The following UNC5D variants were observed in gnomAD, a reference collection of about 807,000 sequenced individuals.
The protein encoded by UNC5D is unc-5 netrin receptor D.
In UNC5D, 39 loss-of-function variants were observed where a neutral mutation model predicts 105.4. The ratio of observed to expected loss-of-function variants is 0.37; its 90% CI spans 0.29 to 0.48. UNC5D has a LOEUF of 0.48. Among genes scored for constraint, UNC5D ranks in the 20% least tolerant of loss-of-function variants. The pLI, the probability that UNC5D is intolerant of heterozygous loss-of-function variation, is 0.98. For missense variants in UNC5D, 991 were observed against 1,202.4 expected, an observed-to-expected ratio of 0.82 and a Z score of 2.60; for synonymous variants, 452 against 450.4, an observed-to-expected ratio of 1.00 and a Z score of -0.04.
chr8:35,281,963 C>T (rs1176071083), intron 1 of UNC5D, among the ~76,000 whole-genome samples: 1 of 152,158 alleles, frequency 6.6e-6, no homozygotes, highest in African/African-American at 2.4e-5. Flanking sequence ...CCTATCCCTG[C>T]ACATGTACTC....
intron 1 of UNC5D, among the ~76,000 whole-genome samples, chr8:35,470,876 G>T (rs990408934): frequency 1.3e-5 from 2 of 152,052 alleles, no homozygotes; most frequent in Non-Finnish European, 2.9e-5. Flanking sequence ...AGCAGCATTG[G>T]GTGAGAACAC....
At chr8:35,623,397 A>G (rs1352151271) in intron 4 of UNC5D, among the ~76,000 whole-genome samples, 1 of 152,104 alleles carries the variant, frequency 6.6e-6, no homozygotes, top group Non-Finnish European at 1.5e-5. Context: ...TATTTTTATT[A>G]TTTTTTGTGA....
At chr8:35,760,265 A>G (rs1439634667) in intron 14 of UNC5D, among the ~76,000 whole-genome samples, 1 of 150,476 alleles carries the variant, frequency 6.6e-6, no homozygotes, top group African/African-American at 2.4e-5. Flanking sequence ...CTGGTCTTGA[A>G]CTCCTGACCT....
At chr8:35,405,746 T>C (rs1804766487) in intron 1 of UNC5D, among the ~76,000 whole-genome samples, 2 of 152,210 alleles carry the variant, frequency 1.3e-5, no homozygotes, top group Non-Finnish European at 2.9e-5. Context: ...TTTCTAATTT[T>C]CATCTTCATT....
At chr8:35,729,610 C>T (rs60257165) in intron 10 of UNC5D, among the ~76,000 whole-genome samples, 4,330 of 152,210 alleles carry the variant, frequency 0.028, 219 homozygotes, top group African/African-American at 0.098. Flanking sequence ...AGGTTGACTT[C>T]CGAGCACACT....
chr8:35,690,278 G>A (rs1236743879), intron 7 of UNC5D, among the ~76,000 whole-genome samples: 1 of 152,112 alleles, frequency 6.6e-6, no homozygotes, highest in African/African-American at 2.4e-5. Flanking sequence ...GTTTGTAAAA[G>A]CCCAACTCCA....
intron 1 of UNC5D, among the ~76,000 whole-genome samples, chr8:35,273,449 C>T (rs7832774): frequency 0.82 from 125,279 of 152,114 alleles, 51,975 homozygotes; most frequent in East Asian, 1. Context: ...ACTGCCACAG[C>T]GGATATTATT....
intron 2 of UNC5D, among the ~76,000 whole-genome samples, chr8:35,561,897 C>T (rs150892538): frequency 7.2e-5 from 11 of 152,320 alleles, no homozygotes; most frequent in Non-Finnish European, 1.5e-4. Context: ...TCAAATTCCT[C>T]TTTTCTAGCT....
At chr8:35,249,601 T>TAATAATAATAAA (rs1176666606) in intron 1 of UNC5D, among the ~76,000 whole-genome samples, 2 of 126,886 alleles carry the variant, frequency 1.6e-5, no homozygotes, top group African/African-American at 5.9e-5. Context: ...ATAATAATAA[T>TAATAATAATAAA]AAAATAAATA....
At chr8:35,728,850 AGTATGGG>A (rs1829036669) in intron 10 of UNC5D, among the ~76,000 whole-genome samples, 1 of 152,132 alleles carries the variant, frequency 6.6e-6, no homozygotes, top group Non-Finnish European at 1.5e-5. Context: ...TAGCAGGTGG[AGTATGGG>A]GTATTATATT....
chr8:35,558,483 G>A (rs912057417), intron 2 of UNC5D, among the ~76,000 whole-genome samples: 1 of 152,066 alleles, frequency 6.6e-6, no homozygotes, highest in Admixed American at 6.6e-5. Context: ...AAATATGAGG[G>A]AGTATCTCAT....
At chr8:35,602,357 T>C (rs1472243222) in intron 4 of UNC5D, among the ~76,000 whole-genome samples, 2 of 152,180 alleles carry the variant, frequency 1.3e-5, no homozygotes, top group Non-Finnish European at 2.9e-5. Context: ...TTGATTGGAA[T>C]AGTTTCAGAA....
intron 9 of UNC5D, among the ~76,000 whole-genome samples, chr8:35,725,273 G>C (rs1036304312): frequency 6.6e-6 from 1 of 152,142 alleles, no homozygotes; most frequent in African/African-American, 2.4e-5. Flanking sequence ...GCTTGGGACT[G>C]AGAGTTATTT....
intron 1 of UNC5D, among the ~76,000 whole-genome samples, chr8:35,481,665 G>T (rs911616617): frequency 6.6e-6 from 1 of 152,144 alleles, no homozygotes; most frequent in Non-Finnish European, 1.5e-5. Flanking sequence ...ATTGAAAAAG[G>T]GTTAAAACAA....
intron 1 of UNC5D, among the ~76,000 whole-genome samples, chr8:35,244,019 A>T (rs1802945952): frequency 6.6e-6 from 1 of 152,194 alleles, no homozygotes; most frequent in South Asian, 2.1e-4. Context: ...TCCTAGATAG[A>T]TTCTTCTAGA....
intron 1 of UNC5D, among the ~76,000 whole-genome samples, chr8:35,458,291 A>G (rs186875889): frequency 1.2e-3 from 183 of 152,148 alleles, no homozygotes; most frequent in African/African-American, 4.2e-3. Context: ...AATGAACCCA[A>G]TCATAAGTTC....
intron 1 of UNC5D, among the ~76,000 whole-genome samples, chr8:35,492,532 CTTCCTCTGAAAGAGGAAGTCTGCTA>C (rs1811279442): frequency 6.6e-6 from 1 of 152,042 alleles, no homozygotes; most frequent in African/African-American, 2.4e-5. Context: ...GATTTTTCCT[CTTCCTCTGAAAGAGGAAGTCTGCTA>C]TTATTAACCG....
Position 35,727,827 on chromosome 8 carries a change from C to G in UNC5D, c.1681+1298C>G, listed in dbSNP as rs529697673. 3.3e-4 allele frequency: 50 copies of G among 151,958 alleles called. No individual in the cohort carries two copies. The South Asian group carries it at 3.5e-3, about 11-fold the overall frequency. 9.4% of individuals were successfully genotyped at this position (151,958 alleles called of 1,614,324 possible). On this transcript the variant is annotated intron_variant, in intron 10 of 16. Coordinates refer to ENST00000404895, the MANE Select transcript of UNC5D (RefSeq NM_080872.4). ...AGTTGATAATTGGAAGATAATGAGT[C>G]AATCAGACATATTTACCAATTAACT...
At chr8:35,322,108 G>C (rs986716881) in intron 1 of UNC5D, among the ~76,000 whole-genome samples, 1 of 152,168 alleles carries the variant, frequency 6.6e-6, no homozygotes, top group Non-Finnish European at 1.5e-5. Flanking sequence ...AGAAGGAAAA[G>C]TGTTATGAGT....
Sources: allele counts gnomAD v4.1 joint callset (sites outside exome capture counted in the v4.1 genomes callset), GRCh38; gene constraint gnomAD v4.1.1; transcripts MANE v1.5; gene names NCBI Gene and HGNC (gene_info 2026-07-23, HGNC 2026-07-21).